Variants in SPTBN1 observed in about 807,000 individuals in gnomAD.
SPTBN1 encodes the protein spectrin beta chain, non-erythrocytic 1.
In SPTBN1, 32 loss-of-function variants were observed where a neutral mutation model predicts 266.4. That is an observed-to-expected ratio of 0.12 (90% CI 0.09 to 0.16). SPTBN1 has a LOEUF of 0.16. Ranked by LOEUF, SPTBN1 falls within the 10% of genes least tolerant of loss-of-function variation. SPTBN1 has a pLI of 1.00. For missense variants in SPTBN1, 2,296 were observed against 3,067.1 expected, an observed-to-expected ratio of 0.75 and a Z score of 5.94; for synonymous variants, 1,336 against 1,162.2, an observed-to-expected ratio of 1.15 and a Z score of -3.04.
At chr2:54,464,625 T>A (rs1297804217) in intron 1 of SPTBN1, among the ~76,000 whole-genome samples, 5 of 152,198 alleles carry the variant, frequency 3.3e-5, no homozygotes, top group Admixed American at 6.5e-5. Context: ...GTAAATAATA[T>A]AATAGATGAC....
chr2:54,536,807 G>C (rs1377017350), intron 2 of SPTBN1, among the ~76,000 whole-genome samples: 1 of 152,110 alleles, frequency 6.6e-6, no homozygotes, highest in East Asian at 1.9e-4. Flanking sequence ...TGAGGTGGGA[G>C]GATTGTTTGA....
chr2:54,506,247 C>T (rs1015929482), intron 1 of SPTBN1, among the ~76,000 whole-genome samples: 2 of 152,140 alleles, frequency 1.3e-5, no homozygotes, highest in Non-Finnish European at 2.9e-5. Flanking sequence ...CATGTGCTTT[C>T]GGAGGTTGTG....
At chr2:54,512,151 T>C (rs1251781829) in intron 1 of SPTBN1, among the ~76,000 whole-genome samples, 3 of 152,200 alleles carry the variant, frequency 2.0e-5, no homozygotes, top group Non-Finnish European at 2.9e-5. Context: ...GGAACAGCTG[T>C]ACTTCGCTTG....
In SPTBN1 at chr2:54,631,283, C is replaced by T. The variant is rs1192600666; in HGVS notation, c.3236C>T (p.Ser1079Phe). 1 of 1,614,204 alleles carries T rather than the reference C, an allele frequency of 6.2e-7. No homozygotes were observed. ...RDLDDFQSWL[S>F]RTQTAIASED... is the part of the protein sequence containing the mutation. ...TTGGACGACTTCCAGTCCTGGCTCT[C>T]TAGGACCCAGACAGCGATCGCCTCG... The change falls in exon 16 of 36, where the codon TCT becomes TTT. Residue 1079 changes from serine (S) to phenylalanine (F), a missense_variant. Around this residue, in one of 12 missense-constraint regions of SPTBN1, gnomAD observed 18 missense variants for 50.3 expected, o/e 0.36. Coordinates refer to ENST00000356805, the MANE Select transcript of SPTBN1 (RefSeq NM_003128.3).
At chr2:54,666,130 A>G (rs1050026117) in intron 34 of SPTBN1, 42 bp downstream of exon 34, 3 of 1,570,742 alleles carry the variant, frequency 1.9e-6, no homozygotes, top group Non-Finnish European at 2.6e-6. Context: ...GTGGGTTTGC[A>G]TTTACTTCCA....
At chr2:54,588,847 C>T (rs13395174) in intron 2 of SPTBN1, among the ~76,000 whole-genome samples, 11,920 of 152,184 alleles carry the variant, frequency 0.078, 1,566 homozygotes, top group African/African-American at 0.27. Flanking sequence ...ATCACAAGGT[C>T]CTAATTCTGT....
rs558287924 is a variant in SPTBN1, at chr2:54,529,444, C to T, written c.148+2878C>T. Reference sequence around the variant, plus strand: ...AGAAGGTAGTGTTGAAAGGTGTCCACGGCCACAAAAAAAAGAAGATCCGCA... The same window carrying T: ...AGAAGGTAGTGTTGAAAGGTGTCCATGGCCACAAAAAAAAGAAGATCCGCA... On this transcript the variant is annotated intron_variant, in intron 2 of 35. Transcript: ENST00000356805. 51 of 708,400 alleles carry T rather than the reference C, an allele frequency of 7.2e-5. 2 individuals are homozygous for T. Among genetic ancestry groups the T allele is most frequent in the South Asian group, 4.3e-4 (32 of 74,068 alleles). The allele number at this position is 708,400 out of a possible 1,614,324, so 43.9% of individuals were successfully genotyped here.
rs200797929 is a variant in SPTBN1 at position 54,646,285 on chromosome 2, G to T, written c.4676G>T (p.Ser1559Ile). 5.0e-5 allele frequency: 80 copies of T among 1,614,092 alleles called. No individual in the cohort carries two copies. In the South Asian group the frequency reaches 7.0e-4, roughly 14 times the overall value. Residue 1559 changes from serine (S) to isoleucine (I), a missense_variant, in exon 23 of 36, where the codon AGC (serine) becomes ATC (isoleucine). Transcript: ENST00000356805. This position sits in a 1 kb window ranked among gnomAD's most constrained non-coding sequence, Gnocchi z 4.4. ...ATCGTCACTGACAGCAGCAGCCTCAGCGCTGAGGCCATCAGACAGAGGCTT... is the reference window on the plus strand; with the variant it reads ...ATCGTCACTGACAGCAGCAGCCTCATCGCTGAGGCCATCAGACAGAGGCTT... ...QNIVTDSSSL[S>I]AEAIRQRLAD...
intron 17 of SPTBN1, 75 bp downstream of exon 17, chr2:54,632,843 C>T: frequency 1.3e-6 from 2 of 1,513,944 alleles, no homozygotes; most frequent in East Asian, 2.3e-5. Context: ...GGCCAGAAGC[C>T]CTTGGGAGTT....
chr2:54,466,724 A>C (rs1297790317), intron 1 of SPTBN1, among the ~76,000 whole-genome samples: 1 of 152,144 alleles, frequency 6.6e-6, no homozygotes, highest in East Asian at 1.9e-4. Context: ...AGTTTTAGGA[A>C]ATAACAAATT....
Position 54,631,174 on chromosome 2 carries a change from G to A in SPTBN1, c.3127G>A (p.Val1043Met), listed in dbSNP as rs768447926. The A allele has an allele frequency of 2.0e-5, 32 of 1,614,108 alleles. No individual in the cohort carries two copies. Among genetic ancestry groups the A allele is most frequent in the African/African-American group, 2.7e-5 (2 of 74,946 alleles). ...ILSRLAEISDVWEEMKTTLKN... is the reference protein window; with the variant it reads ...ILSRLAEISDMWEEMKTTLKN... ...GTCTCGGCTGGCCGAGATCAGCGAC[G>A]TGTGGGAGGAGATGAAGACCACCCT... Residue 1043 changes from valine (V) to methionine (M), a missense_variant, in exon 16 of 36, where the codon GTG (valine) becomes ATG (methionine). This residue lies in a region of SPTBN1 where 128 missense variants were observed against 176.5 expected (regional missense o/e 0.73). Transcript: ENST00000356805.
intron 18 of SPTBN1, among the ~76,000 whole-genome samples, chr2:54,642,053 A>C (rs187850890): frequency 1.1e-4 from 16 of 152,308 alleles, no homozygotes; most frequent in Non-Finnish European, 1.8e-4. Context: ...CTGGCTCTGC[A>C]TTCTTTTGTG....
chr2:54,629,982 C>A lies in SPTBN1; in HGVS notation c.2760C>A (p.His920Gln), dbSNP rs1198265248. Reference sequence around the variant, plus strand: ...CACGCCAGCTGATGCACAGCGGCCACCCAAGTGAGAAGGAAATCAAAGCCC... The same window carrying A: ...CACGCCAGCTGATGCACAGCGGCCAACCAAGTGAGAAGGAAATCAAAGCCC... ...QIARQLMHSG[H>Q]PSEKEIKAQQ... The change falls in exon 15 of 36, where the codon CAC becomes CAA. Residue 920 changes from histidine to glutamine, a missense_variant. This residue lies in a region of SPTBN1 where 128 missense variants were observed against 176.5 expected (regional missense o/e 0.73). Transcript: ENST00000356805. 2 of 1,613,990 alleles carry A rather than the reference C, an allele frequency of 1.2e-6. No homozygotes were observed. The highest frequency in any genetic ancestry group is 2.2e-5 in the East Asian group (1 of 44,888).
chr2:54,606,418 G>A (rs1249737471), intron 3 of SPTBN1, among the ~76,000 whole-genome samples: 1 of 152,170 alleles, frequency 6.6e-6, no homozygotes, highest in Non-Finnish European at 1.5e-5. Context: ...GATGGAAACA[G>A]CACATGTAGC....
intron 1 of SPTBN1, among the ~76,000 whole-genome samples, chr2:54,471,981 A>ATAGTCTT (rs1197176682): frequency 7.5e-6 from 1 of 134,028 alleles, no homozygotes; most frequent in African/African-American, 2.9e-5. Flanking sequence ...TGAAAAATAT[A>ATAGTCTT]TAGTCTTTGT....
chr2:54,468,122 C>A (rs1693731022), intron 1 of SPTBN1, among the ~76,000 whole-genome samples: 1 of 152,018 alleles, frequency 6.6e-6, no homozygotes, highest in South Asian at 2.1e-4. Context: ...GCCTGGCCAA[C>A]ATAGTGAAAC....
At chr2:54,503,323 T>G (rs773649610) in intron 1 of SPTBN1, among the ~76,000 whole-genome samples, 1 of 152,040 alleles carries the variant, frequency 6.6e-6, no homozygotes, top group Non-Finnish European at 1.5e-5. Context: ...CATGGAGGAC[T>G]AGGCGTAGTG....
In SPTBN1 at chr2:54,546,971, A is replaced by C. The variant is rs1481009141; in HGVS notation, c.148+20405A>C. Among the ~76,000 whole-genome samples the C allele has an allele frequency of 3.9e-5, 6 of 152,192 alleles. No individual in the cohort carries two copies. In the East Asian group the frequency reaches 5.8e-4, roughly 15 times the overall value. On this transcript the variant is annotated intron_variant, in intron 2 of 35. Transcript: ENST00000356805. ...TTTTAATGGTGGTAAAAAAAAAAAA[A>C]AAACCACATAACATAAGGTTTACCA...
At chr2:54,584,690 G>A (rs370864045) in intron 2 of SPTBN1, among the ~76,000 whole-genome samples, 3 of 152,318 alleles carry the variant, frequency 2.0e-5, no homozygotes, top group South Asian at 4.1e-4. Flanking sequence ...TATGGAGGCT[G>A]TTGAGAAGCA....
Sources: allele counts gnomAD v4.1 joint callset (sites outside exome capture counted in the v4.1 genomes callset), GRCh38; gene constraint gnomAD v4.1.1; regional missense constraint gnomAD v4.1.1; non-coding constraint Gnocchi (gnomAD v3.1); transcripts MANE v1.5; gene names NCBI Gene and HGNC (gene_info 2026-07-23, HGNC 2026-07-21).